ARHGAP8: variants seen among roughly 807,000 people sequenced by gnomAD.
ARHGAP8 encodes rho GTPase-activating protein 8.
In ARHGAP8, 62 loss-of-function variants were observed where a neutral mutation model predicts 46.1. That is an observed-to-expected ratio of 1.34 (90% CI 1.10 to 1.66). ARHGAP8 has a LOEUF of 1.66. Ranked by LOEUF, ARHGAP8 falls within the 40% of genes most tolerant of loss-of-function variation. The pLI is 0.00. For synonymous variants in ARHGAP8, 375 were observed against 243.1 expected (o/e 1.54, Z -5.05); for missense variants, 923 against 568.4 (o/e 1.62, Z -6.34).
intron 11 of ARHGAP8, among the ~76,000 whole-genome samples, chr22:44,860,774 A>C (rs966036752): frequency 1.3e-5 from 2 of 152,122 alleles, no homozygotes; most frequent in Non-Finnish European, 2.9e-5. Flanking sequence ...AAGGTTCAAC[A>C]CATCCACGTG....
chr22:44,811,002 G>T (rs964704435), intron 4 of ARHGAP8, among the ~76,000 whole-genome samples: 1 of 152,180 alleles, frequency 6.6e-6, no homozygotes, highest in East Asian at 1.9e-4. Flanking sequence ...TTTGCCCTCT[G>T]CACTTCCCCA....
At chr22:44,855,660 A>C (rs1166960429) in intron 10 of ARHGAP8, among the ~76,000 whole-genome samples, 1 of 152,148 alleles carries the variant, frequency 6.6e-6, no homozygotes, top group Non-Finnish European at 1.5e-5. Context: ...AGGTGTACCT[A>C]ATCCAATGTA....
chr22:44,782,269 G>A (rs1045262715), intron 1 of ARHGAP8, among the ~76,000 whole-genome samples: 1 of 152,112 alleles, frequency 6.6e-6, no homozygotes, highest in Non-Finnish European at 1.5e-5. Context: ...CCGGAGAGGA[G>A]GAGATTACAG....
intron 1 of ARHGAP8, among the ~76,000 whole-genome samples, chr22:44,761,377 A>G (rs890129389): frequency 1.3e-5 from 2 of 152,248 alleles, no homozygotes; most frequent in Non-Finnish European, 2.9e-5. Flanking sequence ...GGTTGTGTGT[A>G]CTGAATTTAT....
At chr22:44,783,575 C>G (rs1432343746) in intron 1 of ARHGAP8, among the ~76,000 whole-genome samples, 2 of 152,198 alleles carry the variant, frequency 1.3e-5, no homozygotes, top group Non-Finnish European at 2.9e-5. Context: ...TCCCCTAGGT[C>G]TCTCTCCTTT....
At chr22:44,860,569 C>A (rs536469040) in intron 11 of ARHGAP8, among the ~76,000 whole-genome samples, 1 of 151,798 alleles carries the variant, frequency 6.6e-6, no homozygotes, top group Non-Finnish European at 1.5e-5. Flanking sequence ...CTGCAACGGC[C>A]CTCGTTCCAA....
At position 44,862,551 on chromosome 22, in the gene ARHGAP8, A is replaced by G. The variant is rs781696528; in HGVS notation, c.1258A>G (p.Thr420Ala). 2.5e-6 allele frequency: 4 copies of G among 1,601,108 alleles called. No individual in the cohort carries two copies. Among genetic ancestry groups the G allele is most frequent in the Admixed American group, 1.7e-5 (1 of 59,490 alleles). The stretch of plus-strand genomic sequence containing the variant: ...ACAAGCCACGGGCCTCACCAAGCCT[A>G]CCCTACCTCCGAGTCCCCTGATGGC... ...RTQATGLTKP[T>A]LPPSPLMAAR... The change falls in exon 12 of 12, where the codon ACC (threonine) becomes GCC (alanine). Residue 420 changes from threonine (T) to alanine (A), a missense_variant. Physicochemically the swap from Thr to Ala is moderately conservative, Grantham distance 58 (BLOSUM62 0). Coordinates refer to ENST00000356099, the MANE Select transcript of ARHGAP8 (RefSeq NM_181335.3).
intron 7 of ARHGAP8, among the ~76,000 whole-genome samples, chr22:44,839,483 T>C (rs955283048): frequency 6.6e-6 from 1 of 152,200 alleles, no homozygotes; most frequent in African/African-American, 2.4e-5. Context: ...GCACACTCGA[T>C]ACCATGTGCA....
At chr22:44,825,710 C>A in intron 7 of ARHGAP8, 117 bp downstream of exon 7, 1 of 1,248,194 alleles carries the variant, frequency 8.0e-7, no homozygotes, top group Non-Finnish European at 1.1e-6. Context: ...AAGCTGAACC[C>A]TGCAGGAAAG....
intron 1 of ARHGAP8, among the ~76,000 whole-genome samples, chr22:44,769,517 T>G (rs1925843947): frequency 6.6e-6 from 1 of 152,244 alleles, no homozygotes; most frequent in Non-Finnish European, 1.5e-5. Context: ...TGATTGGGAT[T>G]GTGTTTGAAT....
chr22:44,862,614 T>C lies in ARHGAP8; in HGVS notation c.*19T>C, dbSNP rs764530425. 1.9e-6 allele frequency: 2 copies of C among 1,046,424 alleles called. No homozygotes were observed. Among genetic ancestry groups the C allele is most frequent in the Non-Finnish European group, 2.5e-6 (2 of 803,724 alleles). 64.8% of individuals were successfully genotyped at this position (1,046,424 alleles called of 1,614,324 possible). On this transcript the variant is annotated 3_prime_UTR_variant, in exon 12 of 12. Coordinates refer to ENST00000356099, the MANE Select transcript of ARHGAP8 (RefSeq NM_181335.3). ...TCTCTAGTGTTGCGAACACTCTGTA[T>C]ATTTCGAGCTACCTCCCACACCTGT... is the stretch of plus-strand genomic sequence containing the variant.
intron 1 of ARHGAP8, among the ~76,000 whole-genome samples, chr22:44,754,338 TTGTGTGTG>T (rs35257490): frequency 0.03 from 4,457 of 146,598 alleles, 230 homozygotes; most frequent in African/African-American, 0.11. Context: ...CATTGAAACT[TTGTGTGTG>T]TGTGTGTGTG....
At chr22:44,774,011 C>A (rs1218992486) in intron 1 of ARHGAP8, among the ~76,000 whole-genome samples, 1 of 152,238 alleles carries the variant, frequency 6.6e-6, no homozygotes, top group Non-Finnish European at 1.5e-5. Flanking sequence ...TCCTTATATT[C>A]TCTCTATGAG....
chr22:44,774,194 G>T (rs1458139439), intron 1 of ARHGAP8, among the ~76,000 whole-genome samples: 1 of 152,128 alleles, frequency 6.6e-6, no homozygotes, highest in Admixed American at 6.6e-5. Context: ...TCAACACCAG[G>T]CTGGTTTTCA....
intron 10 of ARHGAP8, among the ~76,000 whole-genome samples, chr22:44,858,925 G>C (rs1344290685): frequency 1.3e-5 from 2 of 151,766 alleles, no homozygotes; most frequent in African/African-American, 4.9e-5. Flanking sequence ...GGGCCTTGTA[G>C]TCTCTGTTGC....
Position 44,825,552 on chromosome 22 carries a change from G to C in ARHGAP8, c.555G>C (p.Arg185=), listed in dbSNP as rs781706922. The part of the protein sequence containing the change: ...TPPPTKTPPP[R]PPLPTQQFGV... ...CTCCCACCAAGACACCACCGCCGCG[G>C]CCCCCGCTGCCCACACAGCAGTTTG... Residue 185 remains arginine (R), a synonymous_variant, in exon 7 of 12, where the codon CGG becomes CGC. Coordinates refer to ENST00000356099, the MANE Select transcript of ARHGAP8 (RefSeq NM_181335.3). 4 of 1,613,268 alleles carry C rather than the reference G, an allele frequency of 2.5e-6. No homozygotes were observed. Among genetic ancestry groups the C allele is most frequent in the Non-Finnish European group, 3.4e-6 (4 of 1,179,774 alleles).
At chr22:44,822,230 T>C in intron 5 of ARHGAP8, 141 bp from the exon 6 acceptor site, 1 of 684,942 alleles carries the variant, frequency 1.5e-6, no homozygotes, top group South Asian at 2.1e-5. Context: ...GTTCGGGTTT[T>C]AAGTCGTGTC....
intron 1 of ARHGAP8, among the ~76,000 whole-genome samples, chr22:44,764,762 C>T (rs184000931): frequency 2.0e-5 from 3 of 152,332 alleles, no homozygotes; most frequent in East Asian, 1.9e-4. Flanking sequence ...AAAAGTCCTG[C>T]GTCAGTCAGT....
At chr22:44,778,016 T>G (rs1324497166) in intron 1 of ARHGAP8, among the ~76,000 whole-genome samples, 2 of 148,142 alleles carry the variant, frequency 1.4e-5, no homozygotes, top group Non-Finnish European at 3.0e-5. Flanking sequence ...ATTTATTTAT[T>G]TATTTATTTA....
Sources: allele counts gnomAD v4.1 joint callset (sites outside exome capture counted in the v4.1 genomes callset), GRCh38; gene constraint gnomAD v4.1.1; transcripts MANE v1.5; gene names NCBI Gene and HGNC (gene_info 2026-07-23, HGNC 2026-07-21).